EPHB1: variants seen among roughly 807,000 people sequenced by gnomAD.
EPHB1 encodes the protein ephrin type-B receptor 1.
A neutral mutation model predicts 94.4 loss-of-function variants in EPHB1; 30 were observed. That is an observed-to-expected ratio of 0.32 (90% CI 0.24 to 0.43). EPHB1 has a LOEUF of 0.43. Ranked by LOEUF, EPHB1 falls within the 20% of genes least tolerant of loss-of-function variation. The pLI, the probability that EPHB1 is intolerant of heterozygous loss-of-function variation, is 1.00. For synonymous variants in EPHB1, 522 were observed against 489.1 expected, an observed-to-expected ratio of 1.07 and a Z score of -0.89; for missense variants, 1,055 against 1,308.3, an observed-to-expected ratio of 0.81 and a Z score of 2.99.
intron 3 of EPHB1, among the ~76,000 whole-genome samples, chr3:135,102,164 G>A (rs528450897): frequency 6.6e-6 from 1 of 152,332 alleles, no homozygotes; most frequent in Admixed American, 6.5e-5. Context: ...TGAAAGTGCT[G>A]AAATGTGTTT....
At chr3:135,222,477 T>C (rs893967220) in intron 12 of EPHB1, among the ~76,000 whole-genome samples, 3 of 152,188 alleles carry the variant, frequency 2.0e-5, no homozygotes, top group African/African-American at 7.2e-5. Context: ...GGGGCACGCT[T>C]TCTTCCAATT....
At chr3:135,186,548 T>A (rs868621397) in intron 10 of EPHB1, among the ~76,000 whole-genome samples, 1 of 151,988 alleles carries the variant, frequency 6.6e-6, no homozygotes, top group Non-Finnish European at 1.5e-5. Context: ...TCTGCTTTCC[T>A]TTTTTTCCCC....
intron 3 of EPHB1, among the ~76,000 whole-genome samples, chr3:135,105,256 G>A (rs542025760): frequency 6.6e-6 from 1 of 152,278 alleles, no homozygotes; most frequent in East Asian, 1.9e-4. Context: ...TGACTTCATT[G>A]GATCAAGAGC....
At chr3:135,158,342 G>T (rs1174567278) in intron 6 of EPHB1, among the ~76,000 whole-genome samples, 2 of 152,160 alleles carry the variant, frequency 1.3e-5, no homozygotes, top group Non-Finnish European at 2.9e-5. Flanking sequence ...TAAAGAACCA[G>T]AAAGTAATTA....
intron 9 of EPHB1, among the ~76,000 whole-genome samples, chr3:135,170,234 G>T (rs1941767278): frequency 2.0e-5 from 3 of 152,158 alleles, no homozygotes; most frequent in Admixed American, 2.0e-4. Context: ...CTGATGCAAA[G>T]GCTGAAGAAG....
chr3:134,803,395 T>C (rs940098285), intron 1 of EPHB1, among the ~76,000 whole-genome samples: 104 of 152,066 alleles, frequency 6.8e-4, no homozygotes, highest in African/African-American at 2.3e-3. Context: ...AGCTTGGCAA[T>C]AACTTCTGAG....
chr3:134,914,979 T>C (rs1419154712), intron 1 of EPHB1, among the ~76,000 whole-genome samples: 1 of 151,856 alleles, frequency 6.6e-6, no homozygotes. Context: ...AAGAGAAGGG[T>C]AGAGAGTGGA....
At chr3:134,984,059 GGTCA>G (rs1250662508) in intron 3 of EPHB1, among the ~76,000 whole-genome samples, 1 of 152,134 alleles carries the variant, frequency 6.6e-6, no homozygotes, top group African/African-American at 2.4e-5. Flanking sequence ...ACTCTTGGGT[GGTCA>G]TAGGGAGTTT....
chr3:134,931,184 G>A (rs1167900785), intron 2 of EPHB1, among the ~76,000 whole-genome samples: 1 of 152,194 alleles, frequency 6.6e-6, no homozygotes, highest in South Asian at 2.1e-4. Context: ...AGCATAATTA[G>A]TGATGCACAT....
At chr3:135,085,763 A>G (rs1051557929) in intron 3 of EPHB1, among the ~76,000 whole-genome samples, 3 of 152,138 alleles carry the variant, frequency 2.0e-5, no homozygotes, top group Non-Finnish European at 4.4e-5. Flanking sequence ...ATCCCCTGCC[A>G]CATGTCCATC....
In EPHB1 at chr3:135,115,144, C is replaced by T. The variant is rs141381869; in HGVS notation, c.961+8541C>T. On this transcript the variant is annotated intron_variant, in intron 4 of 15. Transcript: ENST00000398015. ...TGAAGTTCCAGAAGGAGGGGATTAA[C>T]GTGAAGTGCATCCATGTAATCTACT... 1.7e-3 allele frequency among the ~76,000 whole-genome samples: 255 copies of T among 152,276 alleles called. 1 individual carries two copies. The highest frequency in any genetic ancestry group is 5.7e-3 in the African/African-American group (236 of 41,548).
At chr3:135,112,177 A>G (rs1338769906) in intron 4 of EPHB1, among the ~76,000 whole-genome samples, 1 of 152,200 alleles carries the variant, frequency 6.6e-6, no homozygotes, top group Non-Finnish European at 1.5e-5. Flanking sequence ...GAATTCAGAT[A>G]GAGGATCCAG....
intron 3 of EPHB1, among the ~76,000 whole-genome samples, chr3:134,972,359 G>A (rs1004369970): frequency 5.7e-5 from 8 of 141,480 alleles, no homozygotes; most frequent in African/African-American, 1.0e-4. Context: ...TATATCATAC[G>A]TGTTTATATA....
At chr3:134,909,480 G>C (rs542252001) in intron 1 of EPHB1, among the ~76,000 whole-genome samples, 1 of 152,214 alleles carries the variant, frequency 6.6e-6, no homozygotes, top group Non-Finnish European at 1.5e-5. Context: ...GCCTTGAGAG[G>C]TTCTGAAATG....
intron 1 of EPHB1, among the ~76,000 whole-genome samples, chr3:134,882,073 G>A (rs2037742968): frequency 6.6e-6 from 1 of 152,168 alleles, no homozygotes; most frequent in Admixed American, 6.5e-5. Flanking sequence ...CAGGAAAAAA[G>A]ATGGGGAAAA....
At chr3:134,864,779 A>G (rs937484111) in intron 1 of EPHB1, among the ~76,000 whole-genome samples, 1 of 152,200 alleles carries the variant, frequency 6.6e-6, no homozygotes, top group Non-Finnish European at 1.5e-5. Context: ...TTGTTTCTTC[A>G]GTGGAGCAGA....
chr3:134,995,588 C>A (rs1934963680), intron 3 of EPHB1, among the ~76,000 whole-genome samples: 1 of 151,950 alleles, frequency 6.6e-6, no homozygotes, highest in East Asian at 1.9e-4. Flanking sequence ...CAAATTAAGA[C>A]CACAATGATA....
chr3:134,913,945 C>G (rs556106469), intron 1 of EPHB1, among the ~76,000 whole-genome samples: 72 of 152,316 alleles, frequency 4.7e-4, no homozygotes, highest in Non-Finnish European at 9.1e-4. Context: ...ACAGGATGGC[C>G]TCTAGCTAGA....
At chr3:135,190,538 T>C (rs1942427827) in intron 10 of EPHB1, among the ~76,000 whole-genome samples, 1 of 110,866 alleles carries the variant, frequency 9.0e-6, no homozygotes, top group South Asian at 3.3e-4. Context: ...CATACATATA[T>C]CTAGACATAT....
Sources: gnomAD v4.1 joint callset for allele counts (sites outside exome capture counted in the v4.1 genomes callset) on GRCh38, gnomAD v4.1.1 for gene constraint, MANE v1.5 for transcripts, NCBI Gene and HGNC (gene_info 2026-07-23, HGNC 2026-07-21) for gene names.